The following FBXW4 variants were observed in gnomAD, a reference collection of about 807,000 sequenced individuals.
FBXW4 encodes F-box/WD repeat-containing protein 4.
In FBXW4, 40 loss-of-function variants were observed where a neutral mutation model predicts 61.8. The observed-to-expected ratio is 0.65, with a 90% confidence interval of 0.50 to 0.84. The LOEUF (loss-of-function observed/expected upper bound fraction) is 0.84, where lower values mean the gene tolerates loss of function less well. FBXW4 is among the 40% of genes least tolerant of loss of function. FBXW4 has a pLI of 0.00. For missense variants in FBXW4, 672 were observed against 753.8 expected (o/e 0.89, Z 1.27); for synonymous variants, 311 against 313.8 (o/e 0.99, Z 0.10).
At chr10:101,630,067 G>A (rs1400465512) in intron 5 of FBXW4, among the ~76,000 whole-genome samples, 1 of 152,162 alleles carries the variant, frequency 6.6e-6, no homozygotes, top group Non-Finnish European at 1.5e-5. Flanking sequence ...TGCCCATCAA[G>A]TGTATTCAGT....
chr10:101,663,899 T>C (rs61874050), intron 5 of FBXW4, among the ~76,000 whole-genome samples: 1 of 152,194 alleles, frequency 6.6e-6, no homozygotes, highest in East Asian at 1.9e-4. Context: ...TTCCAGGTCA[T>C]GAATCTTAAA....
At chr10:101,673,374 C>T in intron 3 of FBXW4, 114 bp downstream of exon 3, 1 of 1,222,910 alleles carries the variant, frequency 8.2e-7, no homozygotes, top group Non-Finnish European at 1.2e-6. Flanking sequence ...ATGGAAAACC[C>T]TTCTGGTCTC....
rs776852772 is a variant in FBXW4, at chr10:101,612,389, A to G, written c.1390T>C (p.Ser464Pro). 1 of 1,601,620 alleles carries G rather than the reference A, an allele frequency of 6.2e-7. No homozygotes were observed. The highest frequency in any genetic ancestry group is 1.3e-5 in the African/African-American group (1 of 74,746). The change falls in exon 7 of 9, where the codon TCC (serine) becomes CCC (proline). Residue 464 changes from serine (S) to proline (P), a missense_variant. By Grantham distance (74) the Ser-to-Pro change is moderately conservative. Coordinates refer to ENST00000331272, the MANE Select transcript of FBXW4 (RefSeq NM_022039.4). ...CGAACATAGGTGTCATAGCCACAGG[A>G]CAGCAGTGTGAAAGGGGACTCATAC... is the stretch of plus-strand genomic sequence containing the variant. The part of the protein sequence containing the change: ...VMYESPFTLL[S>P]CGYDTYVRYW...
chr10:101,645,403 T>C (rs999234345), intron 5 of FBXW4, among the ~76,000 whole-genome samples: 1 of 152,210 alleles, frequency 6.6e-6, no homozygotes, highest in African/African-American at 2.4e-5. Flanking sequence ...GGATTCTGTC[T>C]TCCCATCTTC....
chr10:101,617,556 C>A (rs920651589), intron 6 of FBXW4, among the ~76,000 whole-genome samples: 1 of 152,216 alleles, frequency 6.6e-6, no homozygotes, highest in Non-Finnish European at 1.5e-5. Flanking sequence ...AAGCATACAG[C>A]CTCTCACATG....
chr10:101,664,564 G>A (rs2064279690), intron 5 of FBXW4, among the ~76,000 whole-genome samples: 1 of 152,150 alleles, frequency 6.6e-6, no homozygotes, highest in African/African-American at 2.4e-5. Context: ...TGGTCATTGA[G>A]GGCAGGAACA....
chr10:101,620,879 A>G (rs1472175573), intron 6 of FBXW4, among the ~76,000 whole-genome samples: 1 of 152,154 alleles, frequency 6.6e-6, no homozygotes, highest in Non-Finnish European at 1.5e-5. Flanking sequence ...AGAGAATAAC[A>G]GTCAAATAAA....
chr10:101,653,420 A>T (rs1171939428), intron 5 of FBXW4, among the ~76,000 whole-genome samples: 1 of 151,974 alleles, frequency 6.6e-6, no homozygotes, highest in Non-Finnish European at 1.5e-5. Flanking sequence ...CCAAAACTAG[A>T]CTCCAAATTT....
Position 101,694,125 on chromosome 10 carries a change from T to C in FBXW4, c.725+256A>G, listed in dbSNP as rs1439529930. Among the ~76,000 whole-genome samples the C allele has an allele frequency of 6.6e-6, 1 of 151,708 alleles. No homozygotes were observed. Among genetic ancestry groups the C allele is most frequent in the Admixed American group, 6.6e-5 (1 of 15,252 alleles). The stretch of plus-strand genomic sequence containing the variant: ...TGTAGGGAGTGCCTAAGATGGCTAA[T>C]TGTGAGGAGCGGCCCACCCGGGAGG... On this transcript the variant is annotated intron_variant, in intron 1 of 8. Coordinates refer to ENST00000331272, the MANE Select transcript of FBXW4 (RefSeq NM_022039.4). This position sits in a 1 kb window ranked among gnomAD's most constrained non-coding sequence, Gnocchi z 6.0.
At chr10:101,674,314 G>A (rs1013965315) in intron 2 of FBXW4, among the ~76,000 whole-genome samples, 1 of 138,202 alleles carries the variant, frequency 7.2e-6, no homozygotes, top group African/African-American at 2.7e-5. Flanking sequence ...GGGCGACAGA[G>A]GGAGACTGTC....
intron 5 of FBXW4, among the ~76,000 whole-genome samples, chr10:101,631,201 G>A (rs1448388968): frequency 6.6e-6 from 1 of 152,198 alleles, no homozygotes; most frequent in Non-Finnish European, 1.5e-5. Flanking sequence ...AGTGCAGACA[G>A]AAAATTTAAA....
intron 5 of FBXW4, among the ~76,000 whole-genome samples, chr10:101,631,581 T>C (rs189036052): frequency 6.6e-5 from 10 of 152,292 alleles, no homozygotes; most frequent in African/African-American, 2.4e-4. Flanking sequence ...TTCCAAATAT[T>C]ATTTAATGAG....
chr10:101,612,753 ACTC>A (rs903556432), intron 6 of FBXW4, among the ~76,000 whole-genome samples: 3 of 129,428 alleles, frequency 2.3e-5, no homozygotes, highest in East Asian at 2.4e-4. Context: ...CCACCCAGCC[ACTC>A]CTCCTCAGGA....
At chr10:101,648,857 G>T (rs1399572438) in intron 5 of FBXW4, among the ~76,000 whole-genome samples, 3 of 152,144 alleles carry the variant, frequency 2.0e-5, no homozygotes, top group East Asian at 3.8e-4. Context: ...ATCTTAGTCT[G>T]AGAAGGGAGG....
intron 2 of FBXW4, among the ~76,000 whole-genome samples, chr10:101,674,152 A>C (rs2064385501): frequency 6.6e-6 from 1 of 152,026 alleles, no homozygotes; most frequent in African/African-American, 2.4e-5. Flanking sequence ...CAACATGATA[A>C]AACCCCGTCT....
chr10:101,663,210 A>G (rs984710288), intron 5 of FBXW4, among the ~76,000 whole-genome samples: 1 of 151,978 alleles, frequency 6.6e-6, no homozygotes, highest in Admixed American at 6.6e-5. Context: ...TTCCTCCCCA[A>G]CCAGGGACAG....
intron 6 of FBXW4, among the ~76,000 whole-genome samples, chr10:101,614,255 C>T (rs1385643726): frequency 6.6e-6 from 1 of 152,190 alleles, no homozygotes; most frequent in Non-Finnish European, 1.5e-5. Flanking sequence ...GAAGTAATTT[C>T]ATGTTTGTTT....
intron 1 of FBXW4, among the ~76,000 whole-genome samples, chr10:101,692,746 C>CAA (rs61631625): frequency 0.014 from 1,182 of 84,034 alleles, 24 homozygotes; most frequent in East Asian, 0.017. Flanking sequence ...AACTCCGTCT[C>CAA]AAAAAAAAAA....
At chr10:101,640,785 G>T (rs959262925) in intron 5 of FBXW4, among the ~76,000 whole-genome samples, 1 of 150,988 alleles carries the variant, frequency 6.6e-6, no homozygotes, top group Non-Finnish European at 1.5e-5. Flanking sequence ...CAAAGTGTTG[G>T]GATTACAGGT....
Sources: gnomAD v4.1 joint callset for allele counts (sites outside exome capture counted in the v4.1 genomes callset) on GRCh38, gnomAD v4.1.1 for gene constraint, Gnocchi (gnomAD v3.1) non-coding constraint, MANE v1.5 for transcripts, NCBI Gene and HGNC (gene_info 2026-07-23, HGNC 2026-07-21) for gene names.